Variants in NEMP2 observed in about 807,000 individuals in gnomAD.
The protein encoded by NEMP2 is nuclear envelope integral membrane protein 2, also known as UPF0571 transmembrane protein.
A neutral mutation model predicts 54.2 loss-of-function variants in NEMP2; 53 were observed. The observed-to-expected ratio is 0.98, with a 90% CI of 0.78 to 1.23. The LOEUF is 1.23. Ranked by LOEUF, NEMP2 falls within the 50% of genes most tolerant of loss-of-function variation. The pLI is 0.00. For synonymous variants in NEMP2, 197 were observed against 190.3 expected (o/e 1.04, Z -0.29); for missense variants, 455 against 511.3 (o/e 0.89, Z 1.06).
At chr2:190,602,371 T>C in the NEMP2 span, among the ~76,000 whole-genome samples, 4 of 152,222 alleles carry the variant, frequency 2.6e-5, no homozygotes, top group Admixed American at 6.5e-5. Flanking sequence ...TCCTTCTTCT[T>C]TGGGAAATAT....
chr2:190,639,535 T>C, the NEMP2 span, among the ~76,000 whole-genome samples: 4 of 152,200 alleles, frequency 2.6e-5, no homozygotes, highest in Non-Finnish European at 2.9e-5. Flanking sequence ...ACATACAATT[T>C]GGTTTTCATT....
chr2:190,504,698 C>T lies in NEMP2; in HGVS notation c.*4491G>A, dbSNP rs954727802. On this transcript the variant is annotated 3_prime_UTR_variant, in exon 9 of 9. Transcript: ENST00000409150. This position sits in a 1 kb window ranked among gnomAD's most constrained non-coding sequence, Gnocchi z 5.6. Reference sequence around the variant, plus strand: ...TAACAAATTATATACCATACTCTCTCCAATAGTCAGTGTAGGATGCTATTC... The same window carrying T: ...TAACAAATTATATACCATACTCTCTTCAATAGTCAGTGTAGGATGCTATTC... The T allele has an allele frequency of 2.0e-5, 3 of 152,090 alleles. No homozygotes were observed. The highest frequency in any genetic ancestry group is 6.5e-5 in the Admixed American group (1 of 15,278). 9.4% of individuals were successfully genotyped at this position (152,090 alleles called of 1,614,324 possible).
At chr2:190,482,868 CTTTTTTTTTTTT>C in the NEMP2 span, among the ~76,000 whole-genome samples, 101 of 48,274 alleles carry the variant, frequency 2.1e-3, no homozygotes, top group East Asian at 4.2e-3. Context: ...AGACTATCAT[CTTTTTTTTTTTT>C]TTTTTTTTTT....
chr2:190,552,488 T>G, the NEMP2 span, among the ~76,000 whole-genome samples: 1 of 152,166 alleles, frequency 6.6e-6, no homozygotes, highest in South Asian at 2.1e-4. Context: ...TCCCAGTGCT[T>G]TGGGAGGCTA....
chr2:190,484,907 G>GT, the NEMP2 span, among the ~76,000 whole-genome samples: 1 of 152,046 alleles, frequency 6.6e-6, no homozygotes, highest in African/African-American at 2.4e-5. Context: ...TCTGCTTTTA[G>GT]TATCAGAAAT....
At chr2:190,575,154 C>G in the NEMP2 span, among the ~76,000 whole-genome samples, 1 of 151,994 alleles carries the variant, frequency 6.6e-6, no homozygotes, top group East Asian at 1.9e-4. Flanking sequence ...CGTGCCCAGC[C>G]GACTCTGTTT....
chr2:190,449,141 T>C, the NEMP2 span, among the ~76,000 whole-genome samples: 1 of 152,234 alleles, frequency 6.6e-6, no homozygotes, highest in Admixed American at 6.5e-5. Flanking sequence ...TCTTATTTTC[T>C]TCTCTTTAAA....
chr2:190,457,023 C>T, the NEMP2 span, among the ~76,000 whole-genome samples: 4 of 152,178 alleles, frequency 2.6e-5, no homozygotes, highest in Non-Finnish European at 4.4e-5. This position sits in a 1 kb window ranked among gnomAD's most constrained non-coding sequence, Gnocchi z 5.1. Flanking sequence ...CCTTAATCCG[C>T]GCGCACAGCT....
At chr2:190,425,176 A>G in the NEMP2 span, among the ~76,000 whole-genome samples, 1 of 152,108 alleles carries the variant, frequency 6.6e-6, no homozygotes, top group East Asian at 1.9e-4. The surrounding 1 kb of genome is among the most constrained non-coding windows in gnomAD (Gnocchi z 4.3). Flanking sequence ...ACAATTAATT[A>G]TTGTATGCTT....
chr2:190,579,119 G>C, the NEMP2 span, among the ~76,000 whole-genome samples: 1 of 152,200 alleles, frequency 6.6e-6, no homozygotes, highest in African/African-American at 2.4e-5. Context: ...ATACTTTCCA[G>C]TCTTGGTTTG....
the NEMP2 span, among the ~76,000 whole-genome samples, chr2:190,478,934 T>C: frequency 6.6e-6 from 1 of 152,028 alleles, no homozygotes; most frequent in Non-Finnish European, 1.5e-5. Flanking sequence ...ATCTAGAGGG[T>C]AGCTGAAAGG....
chr2:190,527,889 G>C lies in NEMP2; in HGVS notation c.98-2511C>G, dbSNP rs1263558371. On this transcript the variant is annotated intron_variant, in intron 1 of 8. Coordinates refer to ENST00000409150, the MANE Select transcript of NEMP2 (RefSeq NM_001142645.2). This position sits in a 1 kb window ranked among gnomAD's most constrained non-coding sequence, Gnocchi z 4.0. ...AACTAATGCCTGATGATCTGAGGTG[G>C]AACAGTTTCATCCCAAAACCACCCC... is the stretch of plus-strand genomic sequence containing the variant. Among the ~76,000 whole-genome samples the C allele has an allele frequency of 6.6e-6, 1 of 152,072 alleles. No homozygotes were observed. The highest frequency in any genetic ancestry group is 2.4e-5 in the African/African-American group (1 of 41,394).
the NEMP2 span, chr2:190,646,735 T>A: frequency 6.6e-6 from 1 of 152,224 alleles, no homozygotes; most frequent in Non-Finnish European, 1.5e-5. Flanking sequence ...AGAAAAAGTA[T>A]CTGTCCTGAC....
chr2:190,517,412 C>T, intron 5 of NEMP2, 108 bp downstream of exon 5: 1 of 768,088 alleles, frequency 1.3e-6, no homozygotes, highest in Non-Finnish European at 2.0e-6. Context: ...AATGAAGAAA[C>T]ATAATTTAAA....
chr2:190,631,509 C>T, the NEMP2 span, among the ~76,000 whole-genome samples: 1 of 151,924 alleles, frequency 6.6e-6, no homozygotes, highest in Non-Finnish European at 1.5e-5. Flanking sequence ...GAATATGTAC[C>T]AAAGAGCATA....
chr2:190,500,180 GA>G, downstream of NEMP2: 1 of 1,614,162 alleles, frequency 6.2e-7, no homozygotes, highest in South Asian at 1.1e-5. This position sits in a 1 kb window ranked among gnomAD's most constrained non-coding sequence, Gnocchi z 5.3. Flanking sequence ...AGAGGAGAGT[GA>G]AGAGCAGCAG....
At chr2:190,481,912 A>G in the NEMP2 span, among the ~76,000 whole-genome samples, 1 of 152,060 alleles carries the variant, frequency 6.6e-6, no homozygotes, top group Non-Finnish European at 1.5e-5. Context: ...AGTAGCCCCA[A>G]CTCTGACAGA....
chr2:190,458,936 A>G, the NEMP2 span, among the ~76,000 whole-genome samples: 10 of 152,210 alleles, frequency 6.6e-5, no homozygotes, highest in Non-Finnish European at 2.9e-5. This position sits in a 1 kb window ranked among gnomAD's most constrained non-coding sequence, Gnocchi z 5.3. Flanking sequence ...CTGAGAACAG[A>G]GAATCATGCT....
the NEMP2 span, among the ~76,000 whole-genome samples, chr2:190,583,524 A>C: frequency 1.3e-5 from 2 of 152,316 alleles, no homozygotes; most frequent in South Asian, 4.1e-4. Flanking sequence ...TTTGGATTAT[A>C]CTGGGACTTA....
Sources: gnomAD v4.1 joint callset for allele counts (sites outside exome capture counted in the v4.1 genomes callset) on GRCh38, gnomAD v4.1.1 for gene constraint, Gnocchi (gnomAD v3.1) non-coding constraint, MANE v1.5 for transcripts, NCBI Gene and HGNC (gene_info 2026-07-23, HGNC 2026-07-21) for gene names.